NCOR1: variants seen among roughly 807,000 people sequenced by gnomAD.
NCOR1 encodes nuclear receptor corepressor 1.
Under a neutral mutation model 288.1 loss-of-function variants are expected in NCOR1, and 63 were observed. The ratio of observed to expected loss-of-function variants is 0.22; its 90% CI spans 0.18 to 0.27. The LOEUF is 0.27. Ranked by LOEUF, NCOR1 falls within the 10% of genes least tolerant of loss-of-function variation. The pLI is 1.00. For synonymous variants in NCOR1, 1,007 were observed against 1,065.9 expected, an observed-to-expected ratio of 0.94 and a Z score of 1.08; for missense variants, 2,397 against 3,019.2, an observed-to-expected ratio of 0.79 and a Z score of 4.83.
At position 16,139,132 on chromosome 17, in the gene NCOR1, C is replaced by T. The variant is rs1016896201; in HGVS notation, c.1228G>A (p.Ala410Thr). 1 of 1,613,746 alleles carries T rather than the reference C, an allele frequency of 6.2e-7. No individual in the cohort carries two copies. Among genetic ancestry groups the T allele is most frequent in the African/African-American group, 1.3e-5 (1 of 75,024 alleles). ...ATGAACTTGACTCGTCTTTGTTCTGCATCAAACATCATAGGTGGAATCACA... is the reference window on the plus strand; with the variant it reads ...ATGAACTTGACTCGTCTTTGTTCTGTATCAAACATCATAGGTGGAATCACA... ...LSVIPPMMFD[A>T]EQRRVKFINM... Residue 410 changes from alanine to threonine, a missense_variant, in exon 12 of 46, where the codon GCA becomes ACA. Ala to Thr is a moderately conservative substitution (Grantham distance 58). Around this residue, in one of 11 missense-constraint regions of NCOR1, gnomAD observed 80 missense variants for 100.3 expected, o/e 0.80. Transcript: ENST00000268712.
At chr17:16,212,612 T>C (rs2092237748) in intron 1 of NCOR1, among the ~76,000 whole-genome samples, 1 of 152,160 alleles carries the variant, frequency 6.6e-6, no homozygotes, top group Non-Finnish European at 1.5e-5. Flanking sequence ...CTAAGATAGA[T>C]CACAGAATAC....
intron 14 of NCOR1, among the ~76,000 whole-genome samples, chr17:16,128,660 A>G (rs1337926833): frequency 2.0e-5 from 3 of 152,230 alleles, no homozygotes; most frequent in Non-Finnish European, 4.4e-5. Flanking sequence ...ATCTTGCCTC[A>G]TAGCAACTCT....
intron 21 of NCOR1, among the ~76,000 whole-genome samples, chr17:16,095,377 C>T (rs1164324305): frequency 6.6e-6 from 1 of 151,360 alleles, no homozygotes; most frequent in Admixed American, 6.6e-5. Context: ...GGCAGCCACC[C>T]CGCCCGGGAG....
intron 41 of NCOR1, 92 bp from the exon 42 acceptor site, chr17:16,047,185 G>A (rs900037198): frequency 3.9e-6 from 5 of 1,293,950 alleles, no homozygotes; most frequent in Non-Finnish European, 5.3e-6. Context: ...AGAGTACTTA[G>A]AAAACTACTG....
At chr17:16,126,563 T>C (rs1048047814) in intron 14 of NCOR1, among the ~76,000 whole-genome samples, 21 of 152,194 alleles carry the variant, frequency 1.4e-4, no homozygotes, top group Non-Finnish European at 2.1e-4. Context: ...ATACATAATT[T>C]ATCATGTTTT....
At chr17:16,132,755 CT>C (rs1466775511) in intron 14 of NCOR1, among the ~76,000 whole-genome samples, 2 of 150,642 alleles carry the variant, frequency 1.3e-5, no homozygotes, top group African/African-American at 2.4e-5. Context: ...AAAAATCAAA[CT>C]TTGCAAACTT....
intron 1 of NCOR1, among the ~76,000 whole-genome samples, chr17:16,212,266 CAAAGGAAAAAA>C (rs1055443313): frequency 7.2e-6 from 1 of 138,468 alleles, no homozygotes; most frequent in Non-Finnish European, 1.6e-5. Flanking sequence ...GACCCTGTCT[CAAAGGAAAAAA>C]AAAGAAAAAA....
At chr17:16,058,691 G>A (rs1406950069) in intron 37 of NCOR1, 92 bp from the exon 38 acceptor site, 2 of 1,272,722 alleles carry the variant, frequency 1.6e-6, no homozygotes. Flanking sequence ...TTTCAATTCT[G>A]ATCCACCATG....
intron 14 of NCOR1, among the ~76,000 whole-genome samples, chr17:16,127,524 C>A (rs1030073806): frequency 7.7e-6 from 1 of 130,180 alleles, no homozygotes; most frequent in East Asian, 2.1e-4. Flanking sequence ...TATATACACA[C>A]GTGTATATAT....
At chr17:16,073,952 A>G (rs1247304917) in intron 27 of NCOR1, among the ~76,000 whole-genome samples, 1 of 152,262 alleles carries the variant, frequency 6.6e-6, no homozygotes, top group Non-Finnish European at 1.5e-5. Context: ...CAGAGGAAGC[A>G]ATGTGTAAGC....
chr17:16,181,256 T>C (rs2085420131), intron 3 of NCOR1, among the ~76,000 whole-genome samples: 1 of 150,752 alleles, frequency 6.6e-6, no homozygotes, highest in Non-Finnish European at 1.5e-5. Flanking sequence ...TGTGTGTGTA[T>C]AAATATTATT....
At chr17:16,096,519 T>C (rs1345628534) in intron 21 of NCOR1, among the ~76,000 whole-genome samples, 1 of 152,204 alleles carries the variant, frequency 6.6e-6, no homozygotes, top group African/African-American at 2.4e-5. Flanking sequence ...CAAAACCTAA[T>C]TACATGCTTA....
chr17:16,044,098 G>A (rs998264746), intron 42 of NCOR1, among the ~76,000 whole-genome samples: 4 of 151,368 alleles, frequency 2.6e-5, no homozygotes, highest in Non-Finnish European at 5.9e-5. Context: ...GAACCCGGGA[G>A]GCGGAGGTTG....
chr17:16,064,642 A>G (rs1407105846), intron 34 of NCOR1, among the ~76,000 whole-genome samples: 1 of 152,066 alleles, frequency 6.6e-6, no homozygotes, highest in Non-Finnish European at 1.5e-5. Flanking sequence ...AGAGAAAAAG[A>G]AGTTTGTTTT....
rs2060545880 is a variant in NCOR1 at position 16,061,490 on chromosome 17, T to C, written c.5792A>G (p.Asn1931Ser). Reference sequence around the variant, plus strand: ...CCGGGTGATGATCACGTCTATGAAGTTAGCTGCAGTAATGGTAGTCTTCCC... The same window carrying C: ...CCGGGTGATGATCACGTCTATGAAGCTAGCTGCAGTAATGGTAGTCTTCCC... Reference protein sequence around the residue: ...TRGKTTITAANFIDVIITRQI... With the variant: ...TRGKTTITAASFIDVIITRQI... The change falls in exon 37 of 46, where the codon AAC (asparagine) becomes AGC (serine). Residue 1931 changes from asparagine to serine, a missense_variant. By Grantham distance (46) the Asn-to-Ser change is conservative. Transcript: ENST00000268712. The C allele has an allele frequency of 1.2e-6, 2 of 1,614,070 alleles. No individual in the cohort carries two copies. Among genetic ancestry groups the C allele is most frequent in the African/African-American group, 1.3e-5 (1 of 74,908 alleles).
At chr17:16,089,806 A>C (rs1034844100) in intron 22 of NCOR1, among the ~76,000 whole-genome samples, 1 of 152,126 alleles carries the variant, frequency 6.6e-6, no homozygotes, top group African/African-American at 2.4e-5. Flanking sequence ...GTTATCCTAT[A>C]CACTGAACTA....
intron 11 of NCOR1, among the ~76,000 whole-genome samples, chr17:16,143,068 A>C (rs867091018): frequency 3.9e-5 from 6 of 152,190 alleles, no homozygotes; most frequent in Admixed American, 2.6e-4. Flanking sequence ...TATCACCTGC[A>C]GACAGATGAC....
rs1225171518 is a variant in NCOR1, at chr17:16,154,302, C to T, written c.733-907G>A. ...GCAACAAAAATTTTAACTTAAGACC[C>T]TCATATGTTCGTAATACAATTTGTA... On this transcript the variant is annotated intron_variant, in intron 6 of 45. Coordinates refer to ENST00000268712, the MANE Select transcript of NCOR1 (RefSeq NM_006311.4). 5.3e-5 allele frequency among the ~76,000 whole-genome samples: 8 copies of T among 152,076 alleles called. No individual in the cohort carries two copies. The East Asian group carries it at 1.5e-3, about 29-fold the overall frequency.
intron 40 of NCOR1, among the ~76,000 whole-genome samples, chr17:16,055,538 G>A (rs1011104162): frequency 6.6e-6 from 1 of 152,166 alleles, no homozygotes; most frequent in Non-Finnish European, 1.5e-5. Flanking sequence ...ATGGAGGGTG[G>A]GAGGAGAAGG....
Sources: gnomAD v4.1 joint callset for allele counts (sites outside exome capture counted in the v4.1 genomes callset) on GRCh38, gnomAD v4.1.1 for gene constraint, gnomAD v4.1.1 regional missense constraint, MANE v1.5 for transcripts, NCBI Gene and HGNC (gene_info 2026-07-23, HGNC 2026-07-21) for gene names.